The following PCSK5 variants were observed in gnomAD, a reference collection of about 807,000 sequenced individuals.
PCSK5 encodes proprotein convertase subtilisin/kexin type 5, also known as prohormone convertase 5.
PCSK5 carries 129 observed loss-of-function variants against 233.2 expected under a neutral mutation model. The ratio of observed to expected loss-of-function variants is 0.55; its 90% CI spans 0.48 to 0.64. The LOEUF (loss-of-function observed/expected upper bound fraction) is 0.64. Ranked by LOEUF, PCSK5 falls within the 30% of genes least tolerant of loss-of-function variation. PCSK5 has a pLI of 0.00. For missense variants in PCSK5, 2,076 were observed against 2,430.1 expected, an observed-to-expected ratio of 0.85 and a Z score of 3.06; for synonymous variants, 825 against 879.2, an observed-to-expected ratio of 0.94 and a Z score of 1.09.
intron 5 of PCSK5, among the ~76,000 whole-genome samples, chr9:76,039,270 C>CG (rs1202303982): frequency 6.6e-6 from 1 of 152,082 alleles, no homozygotes; most frequent in African/African-American, 2.4e-5. Flanking sequence ...TAATGCATCC[C>CG]GGTTGAAACA....
intron 20 of PCSK5, among the ~76,000 whole-genome samples, chr9:76,217,896 A>G (rs1019541637): frequency 1.3e-5 from 2 of 151,958 alleles, no homozygotes; most frequent in African/African-American, 4.8e-5. Flanking sequence ...TCCACACCAC[A>G]TTCCCCACCC....
chr9:75,975,869 T>C (rs1444100366), intron 2 of PCSK5, among the ~76,000 whole-genome samples: 1 of 152,222 alleles, frequency 6.6e-6, no homozygotes, highest in Non-Finnish European at 1.5e-5. Context: ...AAATGTAGAA[T>C]GAAGTCATGC....
intron 35 of PCSK5, among the ~76,000 whole-genome samples, chr9:76,343,312 A>ACACCAC (rs1829887020): frequency 6.7e-6 from 1 of 150,258 alleles, no homozygotes; most frequent in African/African-American, 2.5e-5. Context: ...TTACAGGCAC[A>ACACCAC]CACCACCGCA....
chr9:76,012,810 A>G (rs1032928292), intron 3 of PCSK5, among the ~76,000 whole-genome samples: 1 of 152,200 alleles, frequency 6.6e-6, no homozygotes, highest in Non-Finnish European at 1.5e-5. Context: ...GTGGGTCTTA[A>G]GAAACCCTAC....
At chr9:75,896,062 C>T (rs1564066342) in intron 1 of PCSK5, among the ~76,000 whole-genome samples, 1 of 152,130 alleles carries the variant, frequency 6.6e-6, no homozygotes, top group Non-Finnish European at 1.5e-5. Flanking sequence ...CCAGATTGGT[C>T]TCTGTGTGAT....
chr9:75,908,861 CCTT>C (rs1564074475), intron 1 of PCSK5, among the ~76,000 whole-genome samples: 1 of 143,602 alleles, frequency 7.0e-6, no homozygotes, highest in Non-Finnish European at 1.6e-5. Flanking sequence ...ATCCATGCAT[CCTT>C]CTCTTTCTAT....
intron 1 of PCSK5, among the ~76,000 whole-genome samples, chr9:75,920,315 G>A (rs115304118): frequency 0.019 from 2,891 of 152,142 alleles, 90 homozygotes; most frequent in African/African-American, 0.064. Context: ...TTTTTAAGAG[G>A]TGGGGGTCTC....
At chr9:76,275,411 GT>G (rs886188769) in intron 24 of PCSK5, among the ~76,000 whole-genome samples, 6 of 151,950 alleles carry the variant, frequency 3.9e-5, no homozygotes, top group African/African-American at 1.4e-4. Context: ...TGCTTCTTTG[GT>G]TTTTTGGGGG....
chr9:76,207,715 C>T (rs1825176895), intron 20 of PCSK5, among the ~76,000 whole-genome samples: 2 of 152,088 alleles, frequency 1.3e-5, no homozygotes, highest in Admixed American at 1.3e-4. Context: ...GGTTGTCAGT[C>T]CCCTGGGCAG....
chr9:75,915,151 A>G (rs940054793), intron 1 of PCSK5, among the ~76,000 whole-genome samples: 1 of 152,192 alleles, frequency 6.6e-6, no homozygotes, highest in Non-Finnish European at 1.5e-5. Context: ...TTTTCCAAGT[A>G]GGAATCTGAC....
chr9:76,038,281 T>C (rs1351447420), intron 5 of PCSK5, among the ~76,000 whole-genome samples: 2 of 152,168 alleles, frequency 1.3e-5, no homozygotes, highest in Non-Finnish European at 2.9e-5. Flanking sequence ...ACCTTGATCT[T>C]CCCATAGGCT....
rs1189500837 is a variant in PCSK5, at chr9:75,899,942, A to G, written c.192+8569A>G. ...ATGGTGTGCAGTAGTGAGAAGTGCT[A>G]TAGAAAGAATCCAGGAGGATGTGTG... On this transcript the variant is annotated intron_variant, in intron 1 of 37. Transcript: ENST00000674117. 2.0e-5 allele frequency among the ~76,000 whole-genome samples: 3 copies of G among 152,188 alleles called. No homozygotes were observed. In the East Asian group the frequency reaches 5.8e-4, roughly 29 times the overall value.
intron 11 of PCSK5, among the ~76,000 whole-genome samples, 162 bp downstream of exon 11, chr9:76,157,324 G>A (rs981631718): frequency 1.3e-5 from 2 of 152,186 alleles, no homozygotes; most frequent in East Asian, 3.9e-4. Context: ...ATTCTGAGCG[G>A]TTAAATTCGT....
intron 5 of PCSK5, among the ~76,000 whole-genome samples, chr9:76,046,396 T>G (rs1164949545): frequency 6.6e-6 from 1 of 151,430 alleles, no homozygotes; most frequent in Non-Finnish European, 1.5e-5. Context: ...CAGGTTTGTC[T>G]CGAACTCTTG....
At chr9:75,941,508 A>G (rs139620200) in intron 2 of PCSK5, among the ~76,000 whole-genome samples, 49 of 152,224 alleles carry the variant, frequency 3.2e-4, no homozygotes, top group African/African-American at 1.1e-3. Context: ...CTTGGATCCA[A>G]TGACAAGCAG....
chr9:75,934,234 G>A (rs956883276), intron 2 of PCSK5, among the ~76,000 whole-genome samples: 2 of 152,092 alleles, frequency 1.3e-5, no homozygotes, highest in African/African-American at 4.8e-5. Flanking sequence ...TAATCCCTCA[G>A]AGTAGAGCCA....
chr9:76,006,242 TA>T (rs1230038570), intron 3 of PCSK5, among the ~76,000 whole-genome samples: 4 of 152,128 alleles, frequency 2.6e-5, no homozygotes, highest in African/African-American at 9.7e-5. Context: ...TATTTTTATT[TA>T]ATAAGATTTT....
At chr9:76,060,280 T>TA (rs1829980027) in intron 5 of PCSK5, among the ~76,000 whole-genome samples, 1 of 152,138 alleles carries the variant, frequency 6.6e-6, no homozygotes, top group African/African-American at 2.4e-5. Flanking sequence ...TTAATAAAAA[T>TA]AAAAAACCAA....
At chr9:76,201,966 T>G (rs1824932254) in intron 20 of PCSK5, among the ~76,000 whole-genome samples, 1 of 152,212 alleles carries the variant, frequency 6.6e-6, no homozygotes, top group African/African-American at 2.4e-5. Context: ...ACAAATCTGG[T>G]GAAACAAATT....
Sources: gnomAD v4.1 joint callset for allele counts (sites outside exome capture counted in the v4.1 genomes callset) on GRCh38, gnomAD v4.1.1 for gene constraint, MANE v1.5 for transcripts, NCBI Gene and HGNC (gene_info 2026-07-23, HGNC 2026-07-21) for gene names.